TFDP2: variants seen among roughly 807,000 people sequenced by gnomAD.
The protein encoded by TFDP2 is transcription factor Dp-2.
In TFDP2, 17 loss-of-function variants were observed where a neutral mutation model predicts 59.3. The observed-to-expected ratio is 0.29, with a 90% CI of 0.20 to 0.43. The LOEUF (loss-of-function observed/expected upper bound fraction) is 0.43, where lower values mean the gene tolerates loss of function less well. Ranked by LOEUF, TFDP2 falls within the 20% of genes least tolerant of loss-of-function variation. The pLI, the probability that TFDP2 is intolerant of heterozygous loss-of-function variation, is 1.00. For missense variants in TFDP2, 391 were observed against 528.8 expected (o/e 0.74, Z 2.56); for synonymous variants, 180 against 194.7 (o/e 0.92, Z 0.63).
At chr3:142,106,986 T>C (rs2061492989) in intron 1 of TFDP2, among the ~76,000 whole-genome samples, 1 of 152,152 alleles carries the variant, frequency 6.6e-6, no homozygotes, top group South Asian at 2.1e-4. Flanking sequence ...CCAAAAAAGC[T>C]GCTACTAAAA....
intron 9 of TFDP2, among the ~76,000 whole-genome samples, chr3:141,969,011 G>GAGAT (rs1939018004): frequency 1.4e-5 from 1 of 70,804 alleles, no homozygotes; most frequent in African/African-American, 6.3e-5. Flanking sequence ...CATATATATA[G>GAGAT]ATATATATAT....
In TFDP2 at chr3:141,944,645, C is replaced by A. The variant is rs1005980364; in HGVS notation, c.*7868G>T. 2 of 152,146 alleles carry A rather than the reference C, an allele frequency of 1.3e-5. No individual in the cohort carries two copies. The highest frequency in any genetic ancestry group is 2.9e-5 in the Non-Finnish European group (2 of 68,022). The allele number at this position is 152,146 out of a possible 1,614,324, so 9.4% of individuals were successfully genotyped here. On this transcript the variant is annotated 3_prime_UTR_variant, in exon 13 of 13. Transcript: ENST00000489671. ...CCCACCTCCAGCACTTCTGACTGAG[C>A]GTCTGGGACGCATCCTAGGATCGCA... is the stretch of plus-strand genomic sequence containing the variant.
chr3:142,039,201 T>C (rs185503180), intron 3 of TFDP2, among the ~76,000 whole-genome samples: 1 of 152,348 alleles, frequency 6.6e-6, no homozygotes, highest in East Asian at 1.9e-4. Context: ...CATATTTTTA[T>C]TAGCCATTTG....
At chr3:142,041,051 CTG>C (rs1946941681) in intron 3 of TFDP2, among the ~76,000 whole-genome samples, 1 of 152,160 alleles carries the variant, frequency 6.6e-6, no homozygotes, top group South Asian at 2.1e-4. Flanking sequence ...TAAACTGTAA[CTG>C]TGAGTATAAC....
At chr3:141,976,910 T>G (rs192641018) in intron 7 of TFDP2, among the ~76,000 whole-genome samples, 24 of 151,248 alleles carry the variant, frequency 1.6e-4, no homozygotes, top group Admixed American at 3.3e-4. Flanking sequence ...CTGGACAAAT[T>G]AAGTAATAAA....
At chr3:142,115,128 T>C (rs2108680713) in intron 1 of TFDP2, among the ~76,000 whole-genome samples, 1 of 152,258 alleles carries the variant, frequency 6.6e-6, no homozygotes, top group Non-Finnish European at 1.5e-5. Context: ...CTGACATTTA[T>C]ATTTGTGTTC....
At chr3:142,026,337 AAAC>A (rs1946092467) in intron 3 of TFDP2, among the ~76,000 whole-genome samples, 1 of 152,146 alleles carries the variant, frequency 6.6e-6, no homozygotes, top group South Asian at 2.1e-4. Flanking sequence ...CAACAAAAAA[AAAC>A]AACAAAAAAA....
At chr3:141,977,027 G>C (rs1288160435) in intron 7 of TFDP2, among the ~76,000 whole-genome samples, 1 of 143,788 alleles carries the variant, frequency 7.0e-6, no homozygotes, top group African/African-American at 2.6e-5. Flanking sequence ...AACATCTAAA[G>C]AATAATATAT....
At chr3:142,101,391 G>A (rs1046948511) in intron 2 of TFDP2, among the ~76,000 whole-genome samples, 8 of 150,016 alleles carry the variant, frequency 5.3e-5, no homozygotes, top group Admixed American at 4.0e-4. Flanking sequence ...AAAGAAAACA[G>A]TGATTTGCTC....
intron 3 of TFDP2, chr3:142,028,570 C>G (rs1377634825): frequency 1.0e-6 from 1 of 985,224 alleles, no homozygotes; most frequent in East Asian, 1.1e-4. Flanking sequence ...ACAAACTGAT[C>G]TCTCTTACCT....
intron 4 of TFDP2, among the ~76,000 whole-genome samples, chr3:142,003,062 C>G (rs113342937): frequency 0.07 from 10,561 of 151,456 alleles, 469 homozygotes; most frequent in Non-Finnish European, 0.1. Context: ...GAGTACAGTG[C>G]CGCGATCTCT....
At chr3:142,116,699 T>A (rs1215182324) in intron 1 of TFDP2, among the ~76,000 whole-genome samples, 1 of 152,182 alleles carries the variant, frequency 6.6e-6, no homozygotes, top group Non-Finnish European at 1.5e-5. Context: ...CCTAGGTATT[T>A]TATTTTTTGG....
intron 1 of TFDP2, among the ~76,000 whole-genome samples, chr3:142,116,414 A>C (rs763264807): frequency 6.6e-6 from 1 of 152,192 alleles, no homozygotes. Flanking sequence ...GACAGAGGGA[A>C]GAAGGCAGTT....
At chr3:142,069,172 C>T (rs540651249) in intron 3 of TFDP2, among the ~76,000 whole-genome samples, 3 of 152,218 alleles carry the variant, frequency 2.0e-5, no homozygotes, top group African/African-American at 7.2e-5. Context: ...ACTTGACCTC[C>T]GAAAGTGCTG....
At chr3:142,142,161 C>T (rs1260087289) in intron 1 of TFDP2, among the ~76,000 whole-genome samples, 1 of 152,158 alleles carries the variant, frequency 6.6e-6, no homozygotes, top group Non-Finnish European at 1.5e-5. Context: ...GTCAAATTAT[C>T]CCTGTTTGCA....
At chr3:142,084,327 C>A (rs1343663192) in intron 3 of TFDP2, among the ~76,000 whole-genome samples, 2 of 152,070 alleles carry the variant, frequency 1.3e-5, no homozygotes, top group Non-Finnish European at 2.9e-5. Flanking sequence ...CAGGGAATAA[C>A]AAATGTTGGT....
chr3:141,973,124 T>TATATATATATATA (rs1553761667), intron 8 of TFDP2, among the ~76,000 whole-genome samples: 16 of 55,360 alleles, frequency 2.9e-4, no homozygotes, highest in African/African-American at 1.1e-3. Flanking sequence ...TATATATATA[T>TATATATATATATA]TTTTTTTTTT....
chr3:142,031,219 G>A (rs991754444), intron 3 of TFDP2, among the ~76,000 whole-genome samples: 1 of 152,156 alleles, frequency 6.6e-6, no homozygotes, highest in Non-Finnish European at 1.5e-5. Flanking sequence ...AAAATAAGGT[G>A]GGGCCAAAGT....
intron 4 of TFDP2, among the ~76,000 whole-genome samples, chr3:142,005,100 T>C (rs1451888862): frequency 6.6e-6 from 1 of 152,180 alleles, no homozygotes; most frequent in African/African-American, 2.4e-5. Context: ...CAGGCAGGAG[T>C]GCAGTGGTGC....
Sources: gnomAD v4.1 joint callset for allele counts (sites outside exome capture counted in the v4.1 genomes callset) on GRCh38, gnomAD v4.1.1 for gene constraint, MANE v1.5 for transcripts, NCBI Gene and HGNC (gene_info 2026-07-23, HGNC 2026-07-21) for gene names.